DYRK1A: variants seen among roughly 807,000 people sequenced by gnomAD.
DYRK1A encodes the protein dual specificity tyrosine phosphorylation regulated kinase 1A.
In DYRK1A, 9 loss-of-function variants were observed where a neutral mutation model predicts 79.7. That is an observed-to-expected ratio of 0.11 (90% CI 0.07 to 0.20). The LOEUF (loss-of-function observed/expected upper bound fraction) is 0.20, where lower values mean the gene tolerates loss of function less well. Ranked by LOEUF, DYRK1A falls within the 10% of genes least tolerant of loss-of-function variation. The probability of loss-of-function intolerance (pLI) is 1.00; values close to 1 mark genes in which losing one functional copy is unlikely to be tolerated. For synonymous variants in DYRK1A, 349 were observed against 329.7 expected (o/e 1.06, Z -0.63); for missense variants, 622 against 956.0 (o/e 0.65, Z 4.61).
intron 2 of DYRK1A, among the ~76,000 whole-genome samples, chr21:37,421,237 T>C (rs998458026): frequency 6.6e-6 from 1 of 152,108 alleles, no homozygotes; most frequent in Admixed American, 6.6e-5. Context: ...GGAAAAGAAA[T>C]ATTTATATAA....
At chr21:37,424,832 T>C (rs2050573611) in intron 2 of DYRK1A, among the ~76,000 whole-genome samples, 1 of 152,172 alleles carries the variant, frequency 6.6e-6, no homozygotes, top group Admixed American at 6.5e-5. Flanking sequence ...TTCAGGCTCT[T>C]GATGCAACTT....
rs73400126 is a variant in DYRK1A at position 37,474,671 on chromosome 21, A to G, written c.207+1791A>G. Reference sequence around the variant, plus strand: ...CCGACTAGAACCCCCAACACATACAAAGTACCTTTTAGCTGTAAACTTACT... The same window carrying G: ...CCGACTAGAACCCCCAACACATACAGAGTACCTTTTAGCTGTAAACTTACT... On this transcript the variant is annotated intron_variant, in intron 3 of 11. Coordinates refer to ENST00000647188, the MANE Select transcript of DYRK1A (RefSeq NM_001347721.2). Among the ~76,000 whole-genome samples, 702 of 152,300 alleles carry G rather than the reference A, an allele frequency of 4.6e-3. 4 individuals are homozygous for G. The highest frequency in any genetic ancestry group is 0.016 in the African/African-American group (658 of 41,554).
intron 1 of DYRK1A, among the ~76,000 whole-genome samples, chr21:37,400,290 G>T (rs927363951): frequency 1.3e-5 from 2 of 152,132 alleles, no homozygotes; most frequent in Non-Finnish European, 2.9e-5. Context: ...CTCATCTCAA[G>T]ATTCTCAACT....
intron 3 of DYRK1A, among the ~76,000 whole-genome samples, chr21:37,473,203 G>A (rs550507100): frequency 7.2e-5 from 11 of 152,218 alleles, no homozygotes; most frequent in South Asian, 6.2e-4. Flanking sequence ...AACCGTTACA[G>A]GAAAGCAAGT....
chr21:37,414,694 G>A (rs2835723), intron 1 of DYRK1A, among the ~76,000 whole-genome samples: 82,391 of 151,860 alleles, frequency 0.54, 22,805 homozygotes, highest in African/African-American at 0.66. Flanking sequence ...TGATAGGGGT[G>A]CTTTCTAGTG....
At chr21:37,375,681 T>C (rs1289920105) in intron 1 of DYRK1A, among the ~76,000 whole-genome samples, 1 of 151,822 alleles carries the variant, frequency 6.6e-6, no homozygotes, top group Non-Finnish European at 1.5e-5. Context: ...GCCTGTCACA[T>C]ACCCGACTAA....
At chr21:37,422,813 G>A (rs2050511968) in intron 2 of DYRK1A, among the ~76,000 whole-genome samples, 3 of 151,982 alleles carry the variant, frequency 2.0e-5, no homozygotes, top group African/African-American at 7.2e-5. Flanking sequence ...CTGGTGGGAG[G>A]AGAGAAAAAA....
intron 2 of DYRK1A, among the ~76,000 whole-genome samples, chr21:37,471,860 A>ATT (rs2052236564): frequency 1.3e-5 from 2 of 152,332 alleles, no homozygotes; most frequent in East Asian, 3.9e-4. Flanking sequence ...CTTGTTGACC[A>ATT]AGGTTTTAGG....
At chr21:37,461,078 A>G (rs1202199440) in intron 2 of DYRK1A, among the ~76,000 whole-genome samples, 2 of 152,162 alleles carry the variant, frequency 1.3e-5, no homozygotes. Context: ...TGTAGGGTTA[A>G]GTAAGATTTT....
intron 1 of DYRK1A, among the ~76,000 whole-genome samples, chr21:37,370,712 G>C (rs1180506469): frequency 6.6e-6 from 1 of 152,108 alleles, no homozygotes; most frequent in East Asian, 1.9e-4. Context: ...GTCTTATTTT[G>C]TAGTAATCAT....
intron 2 of DYRK1A, among the ~76,000 whole-genome samples, chr21:37,421,257 T>A (rs1361027642): frequency 6.6e-6 from 1 of 152,140 alleles, no homozygotes; most frequent in Non-Finnish European, 1.5e-5. Context: ...AATTTTGAAT[T>A]GATACCTAAC....
rs2053962356 is a variant in DYRK1A at position 37,525,552 on chromosome 21, G to GT, written c.*13022dup. On this transcript the variant is annotated 3_prime_UTR_variant, in exon 12 of 12. Transcript: ENST00000647188. ...GTGGGGACACAGCTAACTCATATCAGTGTGGAATAGAAAATGGCTCAGTTG... is the reference window on the plus strand; with the variant it reads ...GTGGGGACACAGCTAACTCATATCAGTTGTGGAATAGAAAATGGCTCAGTTG... 6.6e-6 allele frequency: 1 copy of GT among 152,210 alleles called. No homozygotes were observed. Among genetic ancestry groups the GT allele is most frequent in the Non-Finnish European group, 1.5e-5 (1 of 68,044 alleles). 9.4% of individuals were successfully genotyped at this position (152,210 alleles called of 1,614,324 possible).
chr21:37,398,078 T>A (rs867517780), intron 1 of DYRK1A, among the ~76,000 whole-genome samples: 170 of 102,280 alleles, frequency 1.7e-3, no homozygotes, highest in South Asian at 0.012. Flanking sequence ...AAAAAAAAAA[T>A]ATATATATAT....
At chr21:37,458,612 G>GC (rs1375005775) in intron 2 of DYRK1A, among the ~76,000 whole-genome samples, 1 of 152,104 alleles carries the variant, frequency 6.6e-6, no homozygotes, top group African/African-American at 2.4e-5. Context: ...TTGTTGCCAT[G>GC]CCCCACACTG....
intron 2 of DYRK1A, among the ~76,000 whole-genome samples, chr21:37,441,489 C>G (rs540770863): frequency 5.9e-5 from 9 of 152,008 alleles, no homozygotes; most frequent in African/African-American, 2.2e-4. Flanking sequence ...GTCTTTTATT[C>G]TGCTTTTGGA....
chr21:37,454,088 T>C (rs1293178187), intron 2 of DYRK1A, among the ~76,000 whole-genome samples: 2 of 63,792 alleles, frequency 3.1e-5, no homozygotes, highest in African/African-American at 5.9e-5. Flanking sequence ...TAGTCTCCTT[T>C]TTTTTTTTTT....
At position 37,407,447 on chromosome 21, in the gene DYRK1A, A is replaced by G. The variant is rs73216439; in HGVS notation, c.-76-12852A>G. 8.0e-3 allele frequency among the ~76,000 whole-genome samples: 1,224 copies of G among 152,278 alleles called. 8 individuals are homozygous for G. Among genetic ancestry groups the G allele is most frequent in the Non-Finnish European group, 0.013 (904 of 68,026 alleles). On this transcript the variant is annotated intron_variant, in intron 1 of 11. Transcript: ENST00000647188. ...TTTGTATTACAGATGCTCAACCTGC[A>G]CTTCTGTAACAGAGTAGTTTGAATG...
intron 1 of DYRK1A, among the ~76,000 whole-genome samples, chr21:37,373,998 AC>A (rs1210170517): frequency 6.6e-5 from 10 of 152,340 alleles, no homozygotes; most frequent in Middle Eastern, 3.4e-3. Context: ...ATTCAAATAG[AC>A]CGTTATGCAA....
intron 1 of DYRK1A, among the ~76,000 whole-genome samples, chr21:37,406,741 A>G (rs28519444): frequency 2.7e-5 from 4 of 147,464 alleles, no homozygotes; most frequent in Admixed American, 1.4e-4. Context: ...GTATATCTCT[A>G]TATATCTCTA....
Sources: allele counts gnomAD v4.1 joint callset (sites outside exome capture counted in the v4.1 genomes callset), GRCh38; gene constraint gnomAD v4.1.1; transcripts MANE v1.5; gene names NCBI Gene and HGNC (gene_info 2026-07-23, HGNC 2026-07-21).